Variants in VPS13B observed in about 807,000 individuals in gnomAD.
VPS13B encodes intermembrane lipid transfer protein VPS13B.
VPS13B carries 285 observed loss-of-function variants against 426.4 expected under a neutral mutation model. That is an observed-to-expected ratio of 0.67 (90% CI 0.61 to 0.74). The LOEUF (loss-of-function observed/expected upper bound fraction) is 0.74. Among genes scored for constraint, VPS13B ranks in the 30% least tolerant of loss-of-function variants. The probability of loss-of-function intolerance (pLI) is 0.00; values close to 1 mark genes in which losing one functional copy is unlikely to be tolerated. For synonymous variants in VPS13B, 1,676 were observed against 1,676.4 expected, an observed-to-expected ratio of 1.00 and a Z score of 0.01; for missense variants, 4,537 against 4,782.6, an observed-to-expected ratio of 0.95 and a Z score of 1.51.
chr8:99,469,015 A>T (rs1040211596), intron 24 of VPS13B, among the ~76,000 whole-genome samples: 2 of 152,098 alleles, frequency 1.3e-5, no homozygotes, highest in Non-Finnish European at 2.9e-5. Context: ...ATTTGAAAAG[A>T]TTAGACCTAA....
chr8:99,671,005 G>A (rs2129879858), intron 35 of VPS13B, among the ~76,000 whole-genome samples: 1 of 152,204 alleles, frequency 6.6e-6, no homozygotes, highest in African/African-American at 2.4e-5. Context: ...ATACCCATTA[G>A]TGGGATTACT....
chr8:99,675,657 T>C (rs1321733201), intron 35 of VPS13B, among the ~76,000 whole-genome samples: 1 of 152,128 alleles, frequency 6.6e-6, no homozygotes, highest in Non-Finnish European at 1.5e-5. Context: ...ATTTTTTGCC[T>C]GTATATTTTC....
intron 33 of VPS13B, among the ~76,000 whole-genome samples, chr8:99,616,198 C>G (rs1262443053): frequency 6.6e-6 from 1 of 152,026 alleles, no homozygotes; most frequent in Admixed American, 6.5e-5. Flanking sequence ...AGAAGAAGAG[C>G]CTATATCTTG....
At chr8:99,449,158 A>G (rs903470622) in intron 23 of VPS13B, among the ~76,000 whole-genome samples, 1 of 152,206 alleles carries the variant, frequency 6.6e-6, no homozygotes, top group African/African-American at 2.4e-5. Context: ...ATAGAGAGAA[A>G]TATTTAAAAG....
At chr8:99,207,005 A>T (rs1814768140) in intron 17 of VPS13B, among the ~76,000 whole-genome samples, 1 of 152,148 alleles carries the variant, frequency 6.6e-6, no homozygotes, top group Admixed American at 6.5e-5. Context: ...TACCAATTAG[A>T]CCTCTTGATA....
At position 99,818,323 on chromosome 8, in the gene VPS13B, TTAA is replaced by T; in HGVS notation, c.8362-123_8362-121del. 3 of 1,021,122 alleles carry T rather than the reference TTAA, an allele frequency of 2.9e-6. No individual in the cohort carries two copies. The South Asian group carries it at 4.4e-5, about 15-fold the overall frequency. The allele number at this position is 1,021,122 out of a possible 1,614,324, so 63.3% of individuals were successfully genotyped here. ...GAAGTCTGTTTTTGCTCAGTTTTTTTTAATAATGGCTTTTTCCCTAAACTTTAA... is the reference window on the plus strand; with the variant it reads ...GAAGTCTGTTTTTGCTCAGTTTTTTTTAATGGCTTTTTCCCTAAACTTTAA... On this transcript the variant is annotated intron_variant, in intron 45 of 61. Transcript: ENST00000357162.
intron 34 of VPS13B, among the ~76,000 whole-genome samples, chr8:99,658,878 C>G (rs1324812270): frequency 6.6e-6 from 1 of 152,164 alleles, no homozygotes; most frequent in African/African-American, 2.4e-5. Context: ...TGCAGTGGCA[C>G]AATCACGGCT....
At chr8:99,368,807 A>C (rs1813023376) in intron 19 of VPS13B, among the ~76,000 whole-genome samples, 1 of 152,088 alleles carries the variant, frequency 6.6e-6, no homozygotes, top group Non-Finnish European at 1.5e-5. Flanking sequence ...TTAAGTCTTT[A>C]GTTGTATTTC....
chr8:99,671,461 G>A (rs1247338835), intron 35 of VPS13B, among the ~76,000 whole-genome samples: 2 of 152,142 alleles, frequency 1.3e-5, no homozygotes, highest in East Asian at 3.9e-4. Context: ...TTCTTTGCTA[G>A]GCAGAAGCTT....
intron 33 of VPS13B, among the ~76,000 whole-genome samples, chr8:99,578,755 A>G (rs1825894777): frequency 6.6e-6 from 1 of 152,250 alleles, no homozygotes; most frequent in South Asian, 2.1e-4. Context: ...TTACATTCCT[A>G]TATTATTTGT....
chr8:99,184,082 A>G lies in VPS13B; in HGVS notation c.2334-8794A>G, dbSNP rs148414543. On this transcript the variant is annotated intron_variant, in intron 16 of 61. Coordinates refer to ENST00000357162, the MANE Select transcript of VPS13B (RefSeq NM_152564.5). ...TCACTTCTTTTTATTGCTAAATAGT[A>G]GTCAATTGGTTGGATAGACCACTTT... Among the ~76,000 whole-genome samples the G allele has an allele frequency of 4.4e-3, 669 of 152,326 alleles. 5 individuals carry two copies. Among genetic ancestry groups the G allele is most frequent in the Non-Finnish European group, 6.9e-3 (471 of 68,016 alleles).
intron 54 of VPS13B, among the ~76,000 whole-genome samples, chr8:99,844,143 T>A (rs1815855263): frequency 6.6e-6 from 1 of 152,224 alleles, no homozygotes; most frequent in African/African-American, 2.4e-5. Context: ...CCTTGCTATT[T>A]GAGGCTTTAT....
chr8:99,110,319 C>G (rs752067732), intron 5 of VPS13B, among the ~76,000 whole-genome samples: 2 of 152,052 alleles, frequency 1.3e-5, no homozygotes, highest in Non-Finnish European at 2.9e-5. Flanking sequence ...CTAGGAATTG[C>G]TTATCAGTTA....
intron 2 of VPS13B, among the ~76,000 whole-genome samples, chr8:99,030,324 C>T (rs1842452870): frequency 6.6e-6 from 1 of 151,382 alleles, no homozygotes. Flanking sequence ...TGGTTAGGAC[C>T]TCTGTCTTTA....
intron 4 of VPS13B, among the ~76,000 whole-genome samples, chr8:99,101,570 G>C (rs534582200): frequency 2.5e-4 from 38 of 152,328 alleles, no homozygotes; most frequent in Admixed American, 1.4e-3. Context: ...TCATGGAAGA[G>C]TAATTGTTAC....
chr8:99,425,785 T>C (rs1337702898), intron 21 of VPS13B, among the ~76,000 whole-genome samples: 4 of 152,156 alleles, frequency 2.6e-5, no homozygotes, highest in Admixed American at 6.5e-5. Context: ...GATGACATGA[T>C]TGGATATCTA....
At chr8:99,309,980 G>C (rs61051369) in intron 19 of VPS13B, among the ~76,000 whole-genome samples, 4,165 of 152,188 alleles carry the variant, frequency 0.027, 177 homozygotes, top group African/African-American at 0.093. Flanking sequence ...TTGGCTCTCT[G>C]TTTGTCTGTT....
intron 26 of VPS13B, 54 bp downstream of exon 26, chr8:99,501,912 C>A (rs1821258597): frequency 7.0e-7 from 1 of 1,426,246 alleles, no homozygotes; most frequent in Non-Finnish European, 9.6e-7. Flanking sequence ...CCCTCCCTCC[C>A]TCCCTCCCTC....
At chr8:99,671,020 C>CAT (rs1236787928) in intron 35 of VPS13B, among the ~76,000 whole-genome samples, 1 of 152,132 alleles carries the variant, frequency 6.6e-6, no homozygotes, top group Non-Finnish European at 1.5e-5. Flanking sequence ...ATTACTGGAT[C>CAT]ATATGGTAGT....
Sources: allele counts gnomAD v4.1 joint callset (sites outside exome capture counted in the v4.1 genomes callset), GRCh38; gene constraint gnomAD v4.1.1; transcripts MANE v1.5; gene names NCBI Gene and HGNC (gene_info 2026-07-23, HGNC 2026-07-21).